The following ERI1 variants were observed in gnomAD, a reference collection of about 807,000 sequenced individuals.
The protein encoded by ERI1 is exoribonuclease 1.
A neutral mutation model predicts 39.7 loss-of-function variants in ERI1; 39 were observed. That is an observed-to-expected ratio of 0.98 (90% CI 0.76 to 1.28). The LOEUF (loss-of-function observed/expected upper bound fraction) is 1.28, where lower values mean the gene tolerates loss of function less well. ERI1 is among the 50% of genes most tolerant of loss of function. The pLI, the probability that ERI1 is intolerant of heterozygous loss-of-function variation, is 0.00. For synonymous variants in ERI1, 204 were observed against 149.6 expected, an observed-to-expected ratio of 1.36 and a Z score of -2.65; for missense variants, 581 against 416.9, an observed-to-expected ratio of 1.39 and a Z score of -3.43.
At chr8:9,034,344 T>C (rs1035252197), downstream of ERI1, among the ~76,000 whole-genome samples, 1 of 152,252 alleles carries the variant, frequency 6.6e-6, no homozygotes, top group Non-Finnish European at 1.5e-5. Context: ...GCTTCGCAGA[T>C]ACTATTTTGT....
At chr8:9,099,654 A>G (rs996808891) in intron 3 of ERI1, among the ~76,000 whole-genome samples, 2 of 151,936 alleles carry the variant, frequency 1.3e-5, no homozygotes, top group African/African-American at 4.8e-5. Flanking sequence ...ATAAATAAGC[A>G]TACACTATAT....
At chr8:9,021,167 C>A (rs923265391) in intron 6 of ERI1, among the ~76,000 whole-genome samples, 5 of 152,172 alleles carry the variant, frequency 3.3e-5, no homozygotes, top group African/African-American at 1.2e-4. Flanking sequence ...CAACTTTCCC[C>A]TGGATGTAAT....
intron 3 of ERI1, among the ~76,000 whole-genome samples, chr8:9,067,670 A>G (rs1049735409): frequency 1.5e-4 from 23 of 150,624 alleles, no homozygotes; most frequent in Non-Finnish European, 2.5e-4. Context: ...AAAAAAAAAA[A>G]GGTGACAAGA....
At chr8:9,046,979 C>A (rs766376026) in intron 3 of ERI1, among the ~76,000 whole-genome samples, 17 of 152,164 alleles carry the variant, frequency 1.1e-4, no homozygotes, top group Non-Finnish European at 4.4e-5. Flanking sequence ...GTGAACTGGG[C>A]TGAGATTTTT....
chr8:9,029,197 A>G (rs1241378127), intron 6 of ERI1, among the ~76,000 whole-genome samples: 1 of 152,124 alleles, frequency 6.6e-6, no homozygotes, highest in East Asian at 1.9e-4. Flanking sequence ...TAGATCTTCA[A>G]CTTACATGTC....
rs557427518 is a variant in ERI1 at position 9,024,261 on chromosome 8, A to G, written c.807+3797A>G. ...CTAAAAGTAGGCTGAAACAATATAA[A>G]TAAAAATACAGTTTAAGACAGATTT... On this transcript the variant is annotated intron_variant, in intron 6 of 6. Coordinates refer to ENST00000250263, the MANE Select transcript of ERI1 (RefSeq NM_153332.4). Among the ~76,000 whole-genome samples, 3 of 152,364 alleles carry G rather than the reference A, an allele frequency of 2.0e-5. 1 individual carries two copies. In the South Asian group the frequency reaches 6.2e-4, roughly 32 times the overall value.
At chr8:9,054,152 C>G (rs536750999) in intron 3 of ERI1, among the ~76,000 whole-genome samples, 1 of 152,146 alleles carries the variant, frequency 6.6e-6, no homozygotes, top group South Asian at 2.1e-4. Context: ...CAGGGGATTG[C>G]ATACATTAAA....
In ERI1 at chr8:9,030,606, A is replaced by G. The variant is rs941520514; in HGVS notation, c.*572A>G. 7 of 153,516 alleles carry G rather than the reference A, an allele frequency of 4.6e-5. No individual in the cohort carries two copies. The highest frequency in any genetic ancestry group is 9.6e-5 in the African/African-American group (4 of 41,474). 9.5% of individuals were successfully genotyped at this position (153,516 alleles called of 1,614,324 possible). On this transcript the variant is annotated 3_prime_UTR_variant, in exon 7 of 7. Coordinates refer to ENST00000250263, the MANE Select transcript of ERI1 (RefSeq NM_153332.4). ...TTTTCAACTCATAATTGGAAGAATT[A>G]TGATGGATTATAGGGTTTGGTTAAA...
At chr8:9,008,233 T>A in intron 2 of ERI1, 85 bp downstream of exon 2, 1 of 1,161,136 alleles carries the variant, frequency 8.6e-7, no homozygotes, top group Non-Finnish European at 1.2e-6. Context: ...TTAAAAATCA[T>A]CTGTAATCCT....
intron 3 of ERI1, among the ~76,000 whole-genome samples, chr8:9,059,240 G>A (rs1251417477): frequency 6.6e-6 from 1 of 152,114 alleles, no homozygotes; most frequent in Non-Finnish European, 1.5e-5. Flanking sequence ...GTTAAGGCAG[G>A]AAGCGGCCAT....
At chr8:9,007,746 T>G (rs1816173597) in intron 1 of ERI1, among the ~76,000 whole-genome samples, 1 of 152,138 alleles carries the variant, frequency 6.6e-6, no homozygotes, top group Non-Finnish European at 1.5e-5. Context: ...TTGTTTCCTT[T>G]GAGGAACCTC....
At chr8:9,020,197 G>A (rs977530945) in intron 5 of ERI1, among the ~76,000 whole-genome samples, 153 bp from the exon 6 acceptor site, 3 of 152,110 alleles carry the variant, frequency 2.0e-5, no homozygotes, top group Non-Finnish European at 2.9e-5. Context: ...TTTTGAATTA[G>A]TATTTTGTAG....
intron 3 of ERI1, among the ~76,000 whole-genome samples, chr8:9,091,988 A>G (rs1243772716): frequency 1.3e-5 from 2 of 152,056 alleles, no homozygotes; most frequent in East Asian, 3.9e-4. Flanking sequence ...ACAGGGTCTC[A>G]CTCTGTCACC....
chr8:9,054,468 C>T (rs896042989), intron 3 of ERI1, among the ~76,000 whole-genome samples: 1 of 152,180 alleles, frequency 6.6e-6, no homozygotes. Context: ...CATCGTAAGG[C>T]TCACGGCTGA....
chr8:9,021,364 T>A (rs1817872434), intron 6 of ERI1, among the ~76,000 whole-genome samples: 1 of 152,226 alleles, frequency 6.6e-6, no homozygotes, highest in Non-Finnish European at 1.5e-5. Context: ...CAGGCTTCTT[T>A]TAAAATCATC....
At chr8:9,021,054 A>G (rs1181424139) in intron 6 of ERI1, among the ~76,000 whole-genome samples, 1 of 151,028 alleles carries the variant, frequency 6.6e-6, no homozygotes, top group African/African-American at 2.4e-5. Flanking sequence ...TTAAGTTACC[A>G]CTCCTGCTTG....
intron 3 of ERI1, among the ~76,000 whole-genome samples, chr8:9,086,379 G>A (rs976273520): frequency 3.3e-5 from 5 of 151,880 alleles, no homozygotes; most frequent in African/African-American, 4.8e-5. Flanking sequence ...GCAAAACCCC[G>A]TCTCTACAAA....
intron 1 of ERI1, among the ~76,000 whole-genome samples, chr8:9,006,685 TC>T (rs1554513452): frequency 1.3e-5 from 2 of 152,120 alleles, no homozygotes; most frequent in Non-Finnish European, 2.9e-5. Context: ...ACTTTTTTTT[TC>T]CTTAACATTG....
At chr8:9,018,456 A>G (rs766354326) in intron 5 of ERI1, 50 bp downstream of exon 5, 1 of 1,040,796 alleles carries the variant, frequency 9.6e-7, no homozygotes, top group South Asian at 1.5e-5. Context: ...TAAAGATTAA[A>G]GATACCCTTA....
Sources: gnomAD v4.1 joint callset for allele counts (sites outside exome capture counted in the v4.1 genomes callset) on GRCh38, gnomAD v4.1.1 for gene constraint, MANE v1.5 for transcripts, NCBI Gene and HGNC (gene_info 2026-07-23, HGNC 2026-07-21) for gene names.